The following ALB variants were observed in gnomAD, a reference collection of about 807,000 sequenced individuals.
ALB encodes albumin.
In ALB, 37 loss-of-function variants were observed where a neutral mutation model predicts 74.5. The ratio of observed to expected loss-of-function variants is 0.50; its 90% CI spans 0.38 to 0.65. The LOEUF is 0.65. Ranked by LOEUF, ALB falls within the 30% of genes least tolerant of loss-of-function variation. ALB has a pLI of 0.00. For missense variants in ALB, 685 were observed against 718.7 expected (o/e 0.95, Z 0.54); for synonymous variants, 249 against 251.6 (o/e 0.99, Z 0.10).
chr4:73,412,266 T>C, intron 7 of ALB, 141 bp downstream of exon 7: 1 of 1,053,614 alleles, frequency 9.5e-7, no homozygotes, highest in Admixed American at 1.8e-5. Flanking sequence ...AATCTTTCCC[T>C]GCCTATGGTG....
Position 73,413,748 on chromosome 4 carries a change from C to T in ALB, c.1058+114C>T. On this transcript the variant is annotated intron_variant, in intron 8 of 14. Coordinates refer to ENST00000295897, the MANE Select transcript of ALB (RefSeq NM_000477.7). Reference sequence around the variant, plus strand: ...AATTTCCCTGCTGCCCAGAATGTTTCTTCATCCTTCCCTTTCCCAGGCTTT... The same window carrying T: ...AATTTCCCTGCTGCCCAGAATGTTTTTTCATCCTTCCCTTTCCCAGGCTTT... 8 of 1,007,218 alleles carry T rather than the reference C, an allele frequency of 7.9e-6. No individual in the cohort carries two copies. In the South Asian group the frequency reaches 1.1e-4, roughly 14 times the overall value. 62.4% of individuals were successfully genotyped at this position (1,007,218 alleles called of 1,614,324 possible). A position where few individuals can be genotyped will look rare whatever the true frequency, so the allele number is the denominator to read the frequency against.
intron 12 of ALB, 140 bp from the exon 13 acceptor site, chr4:73,419,367 A>AGAGTT: frequency 1.2e-6 from 1 of 856,670 alleles, no homozygotes; most frequent in Non-Finnish European, 1.8e-6. Flanking sequence ...GGTATGCCTG[A>AGAGTT]GCCCCAAAGT....
intron 12 of ALB, among the ~76,000 whole-genome samples, chr4:73,418,769 C>T (rs930390650): frequency 6.6e-6 from 1 of 152,150 alleles, no homozygotes; most frequent in Admixed American, 6.5e-5. Flanking sequence ...GAAATGCAAG[C>T]CCTGAAGCTC....
intron 13 of ALB, 87 bp downstream of exon 13, chr4:73,419,726 G>A: frequency 2.7e-6 from 4 of 1,503,770 alleles, no homozygotes; most frequent in Non-Finnish European, 2.8e-6. Flanking sequence ...ATATATCAAA[G>A]GAGGCTTTGT....
chr4:73,404,947 G>A, intron 1 of ALB, 169 bp from the exon 2 acceptor site: 2 of 652,732 alleles, frequency 3.1e-6, no homozygotes, highest in Middle Eastern at 2.5e-4. Flanking sequence ...CTGTTTAAAG[G>A]CAGAAGAAAT....
chr4:73,411,959 A>G (rs1169292728), intron 6 of ALB, 37 bp from the exon 7 acceptor site: 2 of 1,613,440 alleles, frequency 1.2e-6, no homozygotes, highest in Admixed American at 3.3e-5. Context: ...AAAATATCGC[A>G]TGATAATACC....
At position 73,413,575 on chromosome 4, in the gene ALB, T is replaced by A. The variant is rs1306262646; in HGVS notation, c.999T>A (p.Phe333Leu). The stretch of plus-strand genomic sequence containing the variant: ...ACTTGCCTTCATTAGCTGCTGATTT[T>A]GTTGAAAGTAAGGATGTTTGCAAAA... The part of the protein sequence containing the change: ...PADLPSLAAD[F>L]VESKDVCKNY... Residue 333 changes from phenylalanine (F) to leucine (L), a missense_variant, in exon 8 of 15, where the codon TTT becomes TTA. Phe to Leu is a conservative substitution (Grantham distance 22). Transcript: ENST00000295897. 1 of 1,614,088 alleles carries A rather than the reference T, an allele frequency of 6.2e-7. No individual in the cohort carries two copies. Among genetic ancestry groups the A allele is most frequent in the Non-Finnish European group, 8.5e-7 (1 of 1,180,030 alleles).
chr4:73,409,220 C>A, intron 4 of ALB, 135 bp from the exon 5 acceptor site: 1 of 904,814 alleles, frequency 1.1e-6, no homozygotes, highest in Non-Finnish European at 1.7e-6. Context: ...ACAAGACCAT[C>A]ATGTGCAAAT....
rs926458737 is a variant in ALB, at chr4:73,406,531, A to T, written c.138-98A>T. On this transcript the variant is annotated intron_variant, in intron 2 of 14. Coordinates refer to ENST00000295897, the MANE Select transcript of ALB (RefSeq NM_000477.7). The stretch of plus-strand genomic sequence containing the variant: ...TAATGGTGAAGAAGATGTATAAAAG[A>T]TAGAACCTATACCCATACATGATTT... The T allele has an allele frequency of 5.1e-6, 6 of 1,167,780 alleles. No individual in the cohort carries two copies. The Admixed American group carries it at 1.1e-4, about 22-fold the overall frequency. 72.3% of individuals were successfully genotyped at this position (1,167,780 alleles called of 1,614,324 possible).
In ALB at chr4:73,410,327, G is replaced by C; in HGVS notation, c.631G>C (p.Asp211His). ...CLLPKLDELR[D>H]EGKASSAKQR... Reference sequence around the variant, plus strand: ...CTTTTTGTAGCTCGATGAACTTCGGGATGAAGGGAAGGCTTCGTCTGCCAA... The same window carrying C: ...CTTTTTGTAGCTCGATGAACTTCGGCATGAAGGGAAGGCTTCGTCTGCCAA... The change falls in exon 6 of 15, where the codon GAT becomes CAT. Residue 211 changes from aspartate to histidine, a missense_variant. Transcript: ENST00000295897. 6.2e-7 allele frequency: 1 copy of C among 1,613,724 alleles called. No homozygotes were observed. Among genetic ancestry groups the C allele is most frequent in the Non-Finnish European group, 8.5e-7 (1 of 1,179,730 alleles).
Position 73,420,313 on chromosome 4 carries a change from G to C in ALB, c.*15G>C, listed in dbSNP as rs770788446. ...TAGGCTTATAACATCACATTTAAAA[G>C]CATCTCAGGTAACTATATTTTGAAT... On this transcript the variant is annotated 3_prime_UTR_variant, in exon 14 of 15. Coordinates refer to ENST00000295897, the MANE Select transcript of ALB (RefSeq NM_000477.7). The C allele has an allele frequency of 3.1e-6, 5 of 1,604,188 alleles. No homozygotes were observed. The East Asian group carries it at 1.1e-4, about 36-fold the overall frequency.
At chr4:73,405,715 C>A (rs1718706117) in intron 2 of ALB, among the ~76,000 whole-genome samples, 1 of 151,878 alleles carries the variant, frequency 6.6e-6, no homozygotes, top group Non-Finnish European at 1.5e-5. Context: ...CTCAGCCTCC[C>A]GAGTAGCTGG....
At chr4:73,409,528 A>G (rs1355740661) in intron 5 of ALB, 41 bp downstream of exon 5, 1 of 1,613,030 alleles carries the variant, frequency 6.2e-7, no homozygotes, top group South Asian at 1.1e-5. Flanking sequence ...TCATTATCCA[A>G]CCTGATTTTG....
rs1260933577 is a variant in ALB, at chr4:73,419,503, T to G, written c.1653-4T>G. 6.2e-7 allele frequency: 1 copy of G among 1,611,556 alleles called. No homozygotes were observed. ...TTTTTTTTTCTTTTTCCATTCAAACTCAGTGCACTTGTTGAGCTCGTGAAA... is the reference window on the plus strand; with the variant it reads ...TTTTTTTTTCTTTTTCCATTCAAACGCAGTGCACTTGTTGAGCTCGTGAAA... On this transcript the variant is annotated splice_polypyrimidine_tract_variant and splice_region_variant and intron_variant, in intron 12 of 14. Transcript: ENST00000295897.
chr4:73,410,707 A>G (rs1718852779), intron 6 of ALB, among the ~76,000 whole-genome samples: 1 of 152,132 alleles, frequency 6.6e-6, no homozygotes. Context: ...CTCTTATTCT[A>G]ATGGTTCATT....
At position 73,418,174 on chromosome 4, in the gene ALB, G is replaced by A; in HGVS notation, c.1515G>A (p.Leu505=). 1.9e-6 allele frequency: 3 copies of A among 1,614,158 alleles called. No homozygotes were observed. The highest frequency in any genetic ancestry group is 2.5e-6 in the Non-Finnish European group (3 of 1,180,028). ...TCACCAAATGCTGCACAGAATCCTT[G>A]GTGAACAGGCGACCATGCTTTTCAG... ...DRVTKCCTES[L]VNRRPCFSAL... is the part of the protein sequence containing the mutation. The change falls in exon 12 of 15, where the codon TTG becomes TTA. Residue 505 remains leucine (L), a synonymous_variant. Coordinates refer to ENST00000295897, the MANE Select transcript of ALB (RefSeq NM_000477.7).
rs1295282180 is a variant in ALB, at chr4:73,416,337, T to C, written c.1273T>C (p.Tyr425His). ...TGAGCTTTTTGAGCAGCTTGGAGAG[T>C]ACAAATTCCAGAATGCGTAAGTAAT... is the stretch of plus-strand genomic sequence containing the variant. ...NCELFEQLGE[Y>H]KFQNALLVRY... Residue 425 changes from tyrosine to histidine, a missense_variant, in exon 10 of 15, where the codon TAC (tyrosine) becomes CAC (histidine). Tyr to His is a moderately conservative substitution (Grantham distance 83). Coordinates refer to ENST00000295897, the MANE Select transcript of ALB (RefSeq NM_000477.7). The C allele has an allele frequency of 6.8e-6, 11 of 1,613,092 alleles. No homozygotes were observed. The highest frequency in any genetic ancestry group is 1.3e-5 in the African/African-American group (1 of 74,890).
chr4:73,405,287 C>T (rs1424683340), intron 2 of ALB, 114 bp downstream of exon 2: 3 of 900,544 alleles, frequency 3.3e-6, no homozygotes, highest in South Asian at 1.5e-5. Context: ...AGTGCTGCCT[C>T]GTAGAGTTTT....
rs1442750385 is a variant in ALB at position 73,415,061 on chromosome 4, A to G, written c.1085A>G (p.His362Arg). The change falls in exon 9 of 15, where the codon CAT becomes CGT. Residue 362 changes from histidine to arginine, a missense_variant. By Grantham distance (29) the His-to-Arg change is conservative (BLOSUM62 0). Coordinates refer to ENST00000295897, the MANE Select transcript of ALB (RefSeq NM_000477.7). ...TTTTTGTATGAATATGCAAGAAGGC[A>G]TCCTGATTACTCTGTCGTGCTGCTG... ...GMFLYEYARR[H>R]PDYSVVLLLR... The G allele has an allele frequency of 3.7e-6, 6 of 1,614,058 alleles. No individual in the cohort carries two copies. The highest frequency in any genetic ancestry group is 5.1e-6 in the Non-Finnish European group (6 of 1,180,020).
Sources: allele counts gnomAD v4.1 joint callset (sites outside exome capture counted in the v4.1 genomes callset), GRCh38; gene constraint gnomAD v4.1.1; transcripts MANE v1.5; gene names NCBI Gene and HGNC (gene_info 2026-07-23, HGNC 2026-07-21).